ERAP2: variants seen among roughly 807,000 people sequenced by gnomAD.
The protein encoded by ERAP2 is leukocyte-derived arginine aminopeptidase.
A neutral mutation model predicts 111.1 loss-of-function variants in ERAP2; 118 were observed. That is an observed-to-expected ratio of 1.06 (90% confidence interval 0.92 to 1.24). ERAP2 has a LOEUF of 1.24. Among genes scored for constraint, ERAP2 ranks in the 50% most tolerant of loss-of-function variants. The pLI is 0.00. For missense variants in ERAP2, 1,131 were observed against 1,125.8 expected, an observed-to-expected ratio of 1.00 and a Z score of -0.07; for synonymous variants, 410 against 401.2, an observed-to-expected ratio of 1.02 and a Z score of -0.26.
chr5:96,896,960 C>CATATGA, intron 9 of ERAP2, 97 bp downstream of exon 9: 1 of 1,010,162 alleles, frequency 9.9e-7, no homozygotes, highest in Non-Finnish European at 1.4e-6. Flanking sequence ...TGTCAGTCAA[C>CATATGA]CATATTTATT....
chr5:96,879,535 C>T (rs1782921059), intron 1 of ERAP2, 29 bp from the exon 2 acceptor site: 4 of 578,606 alleles, frequency 6.9e-6, no homozygotes, highest in African/African-American at 1.9e-5. Context: ...TCTTTTTTGT[C>T]ATGCTATAAG....
At chr5:96,912,167 G>A (rs1786854223) in intron 15 of ERAP2, among the ~76,000 whole-genome samples, 1 of 146,800 alleles carries the variant, frequency 6.8e-6, no homozygotes, top group Admixed American at 6.8e-5. Context: ...CTCCAGCTTG[G>A]GCGACAGTGA....
chr5:96,902,385 A>C, intron 12 of ERAP2, 32 bp downstream of exon 12: 4 of 1,348,694 alleles, frequency 3.0e-6, no homozygotes, highest in Non-Finnish European at 3.2e-6. Flanking sequence ...CAGGTATTTC[A>C]ATGTGGAAAT....
intron 6 of ERAP2, among the ~76,000 whole-genome samples, chr5:96,894,181 C>T (rs568945265): frequency 3.7e-4 from 56 of 152,262 alleles, no homozygotes; most frequent in South Asian, 6.2e-4. Flanking sequence ...GTAGGTTCTC[C>T]GTAGGTATTT....
At chr5:96,890,218 G>A (rs1303547380) in intron 5 of ERAP2, among the ~76,000 whole-genome samples, 2 of 152,200 alleles carry the variant, frequency 1.3e-5, no homozygotes, top group Non-Finnish European at 2.9e-5. Context: ...CAGATTTGTG[G>A]AAACAATTTT....
At position 96,914,148 on chromosome 5, in the gene ERAP2, T is replaced by TCA. The variant is rs1554061288; in HGVS notation, c.2657+710_2657+711dup. Among the ~76,000 whole-genome samples, 465 of 147,782 alleles carry TCA rather than the reference T, an allele frequency of 3.1e-3. 2 individuals are homozygous for TCA. Among genetic ancestry groups the TCA allele is most frequent in the Admixed American group, 5.8e-3 (86 of 14,830 alleles). ...CTTTCTGTCTCTCTCTCTCTCTCTCTCACACACACACACACACACAATCAC... is the reference window on the plus strand; with the variant it reads ...CTTTCTGTCTCTCTCTCTCTCTCTCTCACACACACACACACACACACAATCAC... On this transcript the variant is annotated intron_variant, in intron 17 of 18. Coordinates refer to ENST00000437043, the MANE Select transcript of ERAP2 (RefSeq NM_022350.5).
chr5:96,882,634 GT>G (rs1242914841), intron 2 of ERAP2, among the ~76,000 whole-genome samples: 1 of 152,070 alleles, frequency 6.6e-6, no homozygotes, highest in East Asian at 1.9e-4. Context: ...AGGTTTTTTT[GT>G]TTTTTCAATG....
intron 13 of ERAP2, 82 bp downstream of exon 13, chr5:96,903,642 C>T: frequency 1.6e-6 from 2 of 1,245,868 alleles, no homozygotes; most frequent in Non-Finnish European, 2.2e-6. Flanking sequence ...GAATGTTCAA[C>T]ATTGGTCATT....
At chr5:96,898,133 T>C in intron 9 of ERAP2, among the ~76,000 whole-genome samples, 1 of 151,974 alleles carries the variant, frequency 6.6e-6, no homozygotes, top group Admixed American at 6.6e-5. Flanking sequence ...GAGCTGGAGG[T>C]TGCAGTGAGC....
chr5:96,912,147 C>T (rs1172637664), intron 15 of ERAP2, among the ~76,000 whole-genome samples: 2 of 145,670 alleles, frequency 1.4e-5, no homozygotes, highest in Admixed American at 7.0e-5. Flanking sequence ...GCCCAGATCG[C>T]GCCACTGCAC....
chr5:96,913,625 G>C (rs907729684), intron 17 of ERAP2, among the ~76,000 whole-genome samples, 168 bp downstream of exon 17: 1 of 152,160 alleles, frequency 6.6e-6, no homozygotes, highest in Non-Finnish European at 1.5e-5. Flanking sequence ...TCCTGTCCAG[G>C]AGTAAGGGAG....
At chr5:96,881,623 G>C in intron 2 of ERAP2, 2 of 406,242 alleles carry the variant, frequency 4.9e-6, no homozygotes, top group Non-Finnish European at 9.8e-6. Flanking sequence ...GGGCAGCTCA[G>C]ATTGCTATAG....
At chr5:96,899,174 G>A (rs1047409189) in intron 9 of ERAP2, among the ~76,000 whole-genome samples, 3 of 152,132 alleles carry the variant, frequency 2.0e-5, no homozygotes, top group African/African-American at 4.8e-5. Context: ...CTGATACTAA[G>A]GGACAGATTT....
chr5:96,904,010 T>G (rs2549786), intron 13 of ERAP2, among the ~76,000 whole-genome samples: 1 of 151,724 alleles, frequency 6.6e-6, no homozygotes, highest in Non-Finnish European at 1.5e-5. Flanking sequence ...TGTATTTATG[T>G]TATTAGCTGC....
At chr5:96,881,675 T>C (rs1783149984) in intron 2 of ERAP2, among the ~76,000 whole-genome samples, 1 of 152,118 alleles carries the variant, frequency 6.6e-6, no homozygotes, top group Non-Finnish European at 1.5e-5. Flanking sequence ...CTTCTGTCTT[T>C]CTGCTCAGCC....
Position 96,895,364 on chromosome 5 carries a change from G to A in ERAP2, c.1239+5G>A. 2 of 1,569,924 alleles carry A rather than the reference G, an allele frequency of 1.3e-6. No homozygotes were observed. The highest frequency in any genetic ancestry group is 1.8e-6 in the Non-Finnish European group (2 of 1,141,400). Reference sequence around the variant, plus strand: ...ACATATCCAGAGCTGCAATTTGTAAGTTCACAATTCTGTGTATCATACTAT... The same window carrying A: ...ACATATCCAGAGCTGCAATTTGTAAATTCACAATTCTGTGTATCATACTAT... On this transcript the variant is annotated splice_donor_5th_base_variant and intron_variant, in intron 7 of 18. Transcript: ENST00000437043.
intron 17 of ERAP2, among the ~76,000 whole-genome samples, chr5:96,914,148 T>TCACACACACACACACACACA (rs1554061288): frequency 8.7e-4 from 129 of 148,078 alleles, no homozygotes; most frequent in Middle Eastern, 3.5e-3. Context: ...TCTCTCTCTC[T>TCACACACACACACACACACA]CACACACACA....
At chr5:96,906,109 T>C (rs1786047827) in intron 13 of ERAP2, among the ~76,000 whole-genome samples, 1 of 151,992 alleles carries the variant, frequency 6.6e-6, no homozygotes, top group African/African-American at 2.4e-5. Flanking sequence ...TACTATTTAG[T>C]TCTTTAGTGG....
At chr5:96,890,384 C>T (rs1475451625) in intron 5 of ERAP2, among the ~76,000 whole-genome samples, 4 of 152,180 alleles carry the variant, frequency 2.6e-5, no homozygotes, top group Non-Finnish European at 2.9e-5. Context: ...CACCTCTGAT[C>T]TGGCAGGAGG....
Sources: gnomAD v4.1 joint callset for allele counts (sites outside exome capture counted in the v4.1 genomes callset) on GRCh38, gnomAD v4.1.1 for gene constraint, MANE v1.5 for transcripts, NCBI Gene and HGNC (gene_info 2026-07-23, HGNC 2026-07-21) for gene names.